The following SRGAP1 variants were observed in gnomAD, a reference collection of about 807,000 sequenced individuals.
SRGAP1 encodes the protein SLIT-ROBO Rho GTPase activating protein 1.
In SRGAP1, 43 loss-of-function variants were observed where a neutral mutation model predicts 121.9. The ratio of observed to expected loss-of-function variants is 0.35; its 90% confidence interval spans 0.28 to 0.46. SRGAP1 has a LOEUF of 0.46. Ranked by LOEUF, SRGAP1 falls within the 20% of genes least tolerant of loss-of-function variation. The probability of loss-of-function intolerance (pLI) is 1.00; values close to 1 mark genes in which losing one functional copy is unlikely to be tolerated. For missense variants in SRGAP1, 1,102 were observed against 1,350.9 expected (o/e 0.82, Z 2.89); for synonymous variants, 447 against 485.4 (o/e 0.92, Z 1.04).
intron 6 of SRGAP1, among the ~76,000 whole-genome samples, chr12:64,044,615 A>G (rs1315046551): frequency 6.7e-6 from 1 of 148,842 alleles, no homozygotes; most frequent in African/African-American, 2.5e-5. Flanking sequence ...TGGGATTTCT[A>G]CAAAAGAATT....
chr12:63,926,672 G>A (rs539110258), intron 1 of SRGAP1, among the ~76,000 whole-genome samples: 1 of 151,976 alleles, frequency 6.6e-6, no homozygotes, highest in Admixed American at 6.6e-5. Context: ...ATATCACCTC[G>A]ATTACCTATC....
At chr12:63,968,812 T>G (rs569255324) in intron 1 of SRGAP1, among the ~76,000 whole-genome samples, 8 of 152,246 alleles carry the variant, frequency 5.3e-5, no homozygotes, top group Non-Finnish European at 1.2e-4. Context: ...TCTAGGAGAC[T>G]GGGCCTGAAG....
chr12:64,150,156 G>A lies in SRGAP1; in HGVS notation c.*7484G>A, dbSNP rs7965069. On this transcript the variant is annotated 3_prime_UTR_variant, in exon 22 of 22. Transcript: ENST00000355086. The stretch of plus-strand genomic sequence containing the variant: ...CTTGTGTGCATGTGCACGTGTGTGG[G>A]TGGGAGGGTGCGGAGGGGTTGGGAA... The A allele has an allele frequency of 0.43, 64,287 of 151,186 alleles. 15,511 individuals are homozygous for A. The highest frequency in any genetic ancestry group is 0.58 in the East Asian group (2,959 of 5,092). 9.4% of individuals were successfully genotyped at this position (151,186 alleles called of 1,614,324 possible). A position where few individuals can be genotyped will look rare whatever the true frequency, so the allele number is the denominator to read the frequency against.
At chr12:64,035,375 G>T (rs1419970506) in intron 4 of SRGAP1, among the ~76,000 whole-genome samples, 2 of 152,122 alleles carry the variant, frequency 1.3e-5, no homozygotes, top group Non-Finnish European at 2.9e-5. Context: ...TATTTGTAGT[G>T]CAGTAAGAGT....
At position 63,866,831 on chromosome 12, in the gene SRGAP1, C is replaced by G. The variant is rs1001460439; in HGVS notation, c.67+21948C>G. Among the ~76,000 whole-genome samples the G allele has an allele frequency of 2.7e-5, 4 of 150,536 alleles. No homozygotes were observed. The East Asian group carries it at 7.8e-4, about 29-fold the overall frequency. On this transcript the variant is annotated intron_variant, in intron 1 of 21. Transcript: ENST00000355086. ...TCAGCAATGCATTTGTTACCAGTCT[C>G]TGGGGAGATAAGGGAGGAGATAAGG...
Position 64,149,874 on chromosome 12 carries a change from T to C in SRGAP1, c.*7202T>C, listed in dbSNP as rs1220904936. 6.6e-6 allele frequency: 1 copy of C among 152,172 alleles called. No homozygotes were observed. Among genetic ancestry groups the C allele is most frequent in the Non-Finnish European group, 1.5e-5 (1 of 68,032 alleles). The allele number at this position is 152,172 out of a possible 1,614,324, so 9.4% of individuals were successfully genotyped here. The stretch of plus-strand genomic sequence containing the variant: ...ATTTATTGAAGTTTAGTAAACGAAT[T>C]TGAATTAATTAGGACCAGATAATCA... On this transcript the variant is annotated 3_prime_UTR_variant, in exon 22 of 22. Coordinates refer to ENST00000355086, the MANE Select transcript of SRGAP1 (RefSeq NM_020762.4).
chr12:63,947,945 A>G (rs572865048), intron 1 of SRGAP1, among the ~76,000 whole-genome samples: 3 of 152,140 alleles, frequency 2.0e-5, no homozygotes, highest in South Asian at 4.2e-4. Flanking sequence ...CATCATCACA[A>G]TGAGGAAGTT....
At chr12:63,853,758 G>T (rs975258281) in intron 1 of SRGAP1, among the ~76,000 whole-genome samples, 2 of 152,172 alleles carry the variant, frequency 1.3e-5, no homozygotes, top group Non-Finnish European at 2.9e-5. Context: ...GTGTCTTTGG[G>T]CCACAGTATA....
At chr12:63,926,137 A>G (rs1252212879) in intron 1 of SRGAP1, among the ~76,000 whole-genome samples, 1 of 152,198 alleles carries the variant, frequency 6.6e-6, no homozygotes, top group Non-Finnish European at 1.5e-5. Flanking sequence ...ATATTATACC[A>G]CTGGTTTAAG....
chr12:63,845,097 T>C (rs1898855069), intron 1 of SRGAP1, among the ~76,000 whole-genome samples: 2 of 152,124 alleles, frequency 1.3e-5, no homozygotes, highest in South Asian at 4.1e-4. Context: ...ACTGGGTGAC[T>C]TCCCCCGCCA....
At chr12:63,846,574 C>T (rs962960310) in intron 1 of SRGAP1, among the ~76,000 whole-genome samples, 3 of 152,156 alleles carry the variant, frequency 2.0e-5, no homozygotes, top group Non-Finnish European at 4.4e-5. Flanking sequence ...CAAATTCAAA[C>T]GGAAGAAAAA....
rs775946528 is a variant in SRGAP1 at position 64,142,554 on chromosome 12, G to C, written c.3140G>C (p.Gly1047Ala). Residue 1047 changes from glycine to alanine, a missense_variant, in exon 22 of 22, where the codon GGC becomes GCC. Physicochemically the swap from Gly to Ala is moderately conservative, Grantham distance 60. Around this residue, in one of 3 missense-constraint regions of SRGAP1, gnomAD observed 315 missense variants for 343.1 expected, o/e 0.92. Coordinates refer to ENST00000355086, the MANE Select transcript of SRGAP1 (RefSeq NM_020762.4). ...TFKPMVAPRM[G>A]VQLKPPALRP... ...AAGCCTATGGTGGCACCCAGAATGG[G>C]CGTGCAGCTGAAGCCTCCAGCCCTT... 1 of 1,614,160 alleles carries C rather than the reference G, an allele frequency of 6.2e-7. No homozygotes were observed. The highest frequency in any genetic ancestry group is 1.1e-5 in the South Asian group (1 of 91,078).
intron 4 of SRGAP1, among the ~76,000 whole-genome samples, chr12:64,018,935 C>T (rs1433194842): frequency 6.6e-6 from 1 of 152,176 alleles, no homozygotes; most frequent in Non-Finnish European, 1.5e-5. Context: ...TCTGTGTCGT[C>T]TTCCATTGAA....
intron 6 of SRGAP1, among the ~76,000 whole-genome samples, chr12:64,056,739 C>T (rs1327000669): frequency 1.3e-5 from 2 of 152,084 alleles, no homozygotes; most frequent in Admixed American, 6.6e-5. Flanking sequence ...AGTCACCATA[C>T]ATCAGGTACA....
intron 6 of SRGAP1, among the ~76,000 whole-genome samples, chr12:64,044,419 G>A (rs1282447542): frequency 6.6e-6 from 1 of 152,096 alleles, no homozygotes; most frequent in Admixed American, 6.6e-5. Flanking sequence ...GGTTCAGAGG[G>A]TTATCTGCTG....
intron 4 of SRGAP1, among the ~76,000 whole-genome samples, chr12:64,029,034 G>T (rs1200728390): frequency 6.6e-6 from 1 of 152,110 alleles, no homozygotes; most frequent in Non-Finnish European, 1.5e-5. Flanking sequence ...GTAAACCCAG[G>T]AACATGGTAT....
Position 64,031,442 on chromosome 12 carries a change from A to T in SRGAP1, c.490-11348A>T, listed in dbSNP as rs191255181. On this transcript the variant is annotated intron_variant, in intron 4 of 21. Coordinates refer to ENST00000355086, the MANE Select transcript of SRGAP1 (RefSeq NM_020762.4). ...ATGAGATAAAAATTTGAAATCATGG[A>T]TTCAATATCAGTAGAATTTTAGAGT... Among the ~76,000 whole-genome samples the T allele has an allele frequency of 6.4e-4, 98 of 152,252 alleles. 2 individuals are homozygous for T. The highest frequency in any genetic ancestry group is 3.4e-3 in the Middle Eastern group (1 of 294).
rs143630411 is a variant in SRGAP1, at chr12:63,978,988, T to C, written c.68-4959T>C. Reference sequence around the variant, plus strand: ...CAACTTTTCATATGCTACTGGCCATTTGCCATTTGTATATCATCTTGGGAG... The same window carrying C: ...CAACTTTTCATATGCTACTGGCCATCTGCCATTTGTATATCATCTTGGGAG... On this transcript the variant is annotated intron_variant, in intron 1 of 21. Coordinates refer to ENST00000355086, the MANE Select transcript of SRGAP1 (RefSeq NM_020762.4). Among the ~76,000 whole-genome samples the C allele has an allele frequency of 2.2e-3, 338 of 152,240 alleles. 2 individuals are homozygous for C. The highest frequency in any genetic ancestry group is 7.9e-3 in the African/African-American group (330 of 41,548).
intron 12 of SRGAP1, among the ~76,000 whole-genome samples, chr12:64,093,964 T>C (rs1287727067): frequency 6.6e-6 from 1 of 152,198 alleles, no homozygotes; most frequent in Non-Finnish European, 1.5e-5. Context: ...TGTTCTAATA[T>C]ATTAAGACAA....
Sources: allele counts gnomAD v4.1 joint callset (sites outside exome capture counted in the v4.1 genomes callset), GRCh38; gene constraint gnomAD v4.1.1; regional missense constraint gnomAD v4.1.1; transcripts MANE v1.5; gene names NCBI Gene and HGNC (gene_info 2026-07-23, HGNC 2026-07-21).